Variants in ASIC2 observed in about 807,000 individuals in gnomAD.
The protein encoded by ASIC2 is acid sensing ion channel subunit 2.
A neutral mutation model predicts 57.3 loss-of-function variants in ASIC2; 25 were observed. The ratio of observed to expected loss-of-function variants is 0.44; its 90% CI spans 0.32 to 0.61. ASIC2 has a LOEUF of 0.61. ASIC2 is among the 20% of genes least tolerant of loss of function. ASIC2 has a pLI of 0.06. For missense variants in ASIC2, 641 were observed against 738.1 expected, an observed-to-expected ratio of 0.87 and a Z score of 1.52; for synonymous variants, 319 against 307.5, an observed-to-expected ratio of 1.04 and a Z score of -0.39.
intron 1 of ASIC2, among the ~76,000 whole-genome samples, chr17:34,095,767 G>T (rs1469027494): frequency 6.8e-6 from 1 of 146,430 alleles, no homozygotes; most frequent in Non-Finnish European, 1.5e-5. Flanking sequence ...AGTTTTAAAA[G>T]CAGCACAGAT....
intron 1 of ASIC2, among the ~76,000 whole-genome samples, chr17:33,271,204 C>T (rs1337789701): frequency 1.3e-5 from 2 of 152,084 alleles, no homozygotes; most frequent in Non-Finnish European, 2.9e-5. Flanking sequence ...TCTCACCCTC[C>T]TTTGCCTGCT....
intron 1 of ASIC2, among the ~76,000 whole-genome samples, chr17:33,795,144 T>C (rs750617316): frequency 1.3e-5 from 2 of 152,232 alleles, no homozygotes; most frequent in Non-Finnish European, 2.9e-5. Context: ...AGAGAAACCA[T>C]GAAGACTGTC....
intron 1 of ASIC2, among the ~76,000 whole-genome samples, chr17:33,616,034 G>A (rs1052648020): frequency 6.6e-6 from 1 of 152,194 alleles, no homozygotes; most frequent in Non-Finnish European, 1.5e-5. Flanking sequence ...ACCAGTACAT[G>A]TAATTGGAGA....
intron 1 of ASIC2, among the ~76,000 whole-genome samples, chr17:33,350,540 C>T (rs1371530675): frequency 2.0e-5 from 3 of 151,838 alleles, no homozygotes; most frequent in African/African-American, 4.8e-5. Flanking sequence ...ATTAGCTGGG[C>T]GTCGTGGTGT....
chr17:33,068,845 C>G (rs223034), intron 3 of ASIC2, among the ~76,000 whole-genome samples: 138,404 of 152,166 alleles, frequency 0.91, 63,063 homozygotes, highest in African/African-American at 0.96. Context: ...ATTTCGGCTG[C>G]AATCATCATC....
At chr17:33,757,506 T>C (rs1007624777) in intron 1 of ASIC2, among the ~76,000 whole-genome samples, 4 of 152,160 alleles carry the variant, frequency 2.6e-5, no homozygotes, top group African/African-American at 9.7e-5. Flanking sequence ...TTAATGGCCT[T>C]GATTATGACT....
chr17:33,382,304 C>T (rs150713230), intron 1 of ASIC2, among the ~76,000 whole-genome samples: 25 of 152,086 alleles, frequency 1.6e-4, no homozygotes, highest in African/African-American at 4.3e-4. Flanking sequence ...ACCTTTTTTT[C>T]GGTTGAAAAG....
At chr17:33,569,713 A>G (rs1321054769) in intron 1 of ASIC2, among the ~76,000 whole-genome samples, 2 of 151,884 alleles carry the variant, frequency 1.3e-5, no homozygotes, top group African/African-American at 4.8e-5. Flanking sequence ...TTTTTGGTGC[A>G]TATCATCCAT....
At chr17:33,056,023 C>T (rs1220464364) in intron 3 of ASIC2, among the ~76,000 whole-genome samples, 1 of 152,216 alleles carries the variant, frequency 6.6e-6, no homozygotes, top group African/African-American at 2.4e-5. Context: ...CGAAAACTCC[C>T]TAGAGGATTC....
chr17:33,172,774 G>C (rs1260689230), intron 1 of ASIC2, among the ~76,000 whole-genome samples: 1 of 152,234 alleles, frequency 6.6e-6, no homozygotes, highest in African/African-American at 2.4e-5. Flanking sequence ...TGGGAACTAG[G>C]TAAAGATGAG....
chr17:33,260,977 C>T (rs1909258111), intron 1 of ASIC2, among the ~76,000 whole-genome samples: 1 of 152,214 alleles, frequency 6.6e-6, no homozygotes, highest in Admixed American at 6.5e-5. Flanking sequence ...CTCCAACAAA[C>T]ATTCTGATTT....
At chr17:33,584,233 A>G (rs1904539332) in intron 1 of ASIC2, among the ~76,000 whole-genome samples, 2 of 152,134 alleles carry the variant, frequency 1.3e-5, no homozygotes, top group South Asian at 4.1e-4. Context: ...GTAGGCAGGG[A>G]AGGGATCGCC....
chr17:33,322,510 A>T (rs1361137328), intron 1 of ASIC2, among the ~76,000 whole-genome samples: 2 of 152,222 alleles, frequency 1.3e-5, no homozygotes, highest in Non-Finnish European at 2.9e-5. Context: ...CAAGAGAATT[A>T]GAATTCTTGA....
At chr17:33,964,865 G>A (rs1438389936) in intron 1 of ASIC2, among the ~76,000 whole-genome samples, 6 of 152,196 alleles carry the variant, frequency 3.9e-5, no homozygotes, top group Non-Finnish European at 8.8e-5. Flanking sequence ...CTGTGGCCTT[G>A]GGGAAAGTTG....
chr17:33,953,596 T>C (rs1206360007), intron 1 of ASIC2, among the ~76,000 whole-genome samples: 1 of 151,930 alleles, frequency 6.6e-6, no homozygotes, highest in African/African-American at 2.4e-5. Context: ...ATCAATGCAG[T>C]GTATAAACCC....
At chr17:33,658,042 C>T (rs1210965138) in intron 1 of ASIC2, among the ~76,000 whole-genome samples, 1 of 152,202 alleles carries the variant, frequency 6.6e-6, no homozygotes, top group Non-Finnish European at 1.5e-5. Flanking sequence ...ATGACAAAGA[C>T]TTTGGGCTGA....
chr17:33,659,870 T>TCAAATAAATAAA (rs1567681614), intron 1 of ASIC2, among the ~76,000 whole-genome samples: 3 of 97,750 alleles, frequency 3.1e-5, no homozygotes, highest in African/African-American at 1.2e-4. Flanking sequence ...AGACTCTGTC[T>TCAAATAAATAAA]CAAATAAATA....
intron 1 of ASIC2, among the ~76,000 whole-genome samples, chr17:33,554,764 T>A (rs1487098174): frequency 6.6e-6 from 1 of 152,144 alleles, no homozygotes; most frequent in Non-Finnish European, 1.5e-5. Context: ...GATCTATGCC[T>A]GAGGCTGGCC....
At chr17:33,544,026 A>C (rs188694783) in intron 1 of ASIC2, among the ~76,000 whole-genome samples, 20 of 152,316 alleles carry the variant, frequency 1.3e-4, no homozygotes, top group Admixed American at 3.3e-4. Context: ...CTTTGCAGTC[A>C]ATCTGTTCCT....
Sources: allele counts gnomAD v4.1 joint callset (sites outside exome capture counted in the v4.1 genomes callset), GRCh38; gene constraint gnomAD v4.1.1; transcripts MANE v1.5; gene names NCBI Gene and HGNC (gene_info 2026-07-23, HGNC 2026-07-21).